The following NRXN3 variants were observed in gnomAD, a reference collection of about 807,000 sequenced individuals.
The protein encoded by NRXN3 is neurexin III.
Under a neutral mutation model 137.6 loss-of-function variants are expected in NRXN3, and 32 were observed. The observed-to-expected ratio is 0.23, with a 90% confidence interval of 0.18 to 0.31. The LOEUF (loss-of-function observed/expected upper bound fraction) is 0.31. Ranked by LOEUF, NRXN3 falls within the 10% of genes least tolerant of loss-of-function variation. The pLI, the probability that NRXN3 is intolerant of heterozygous loss-of-function variation, is 1.00. For synonymous variants in NRXN3, 798 were observed against 784.5 expected, an observed-to-expected ratio of 1.02 and a Z score of -0.29; for missense variants, 1,574 against 2,062.5, an observed-to-expected ratio of 0.76 and a Z score of 4.59.
At chr14:79,550,374 C>T (rs10149978) in intron 16 of NRXN3, among the ~76,000 whole-genome samples, 9,851 of 152,188 alleles carry the variant, frequency 0.065, 1,050 homozygotes, top group African/African-American at 0.22. Flanking sequence ...TGGGAAGGGT[C>T]CATCCCTTGT....
chr14:78,275,888 T>C (rs905306904), intron 2 of NRXN3, among the ~76,000 whole-genome samples: 1 of 152,138 alleles, frequency 6.6e-6, no homozygotes, highest in Non-Finnish European at 1.5e-5. Flanking sequence ...CTGCTAAGGT[T>C]TTGATCCTTA....
intron 4 of NRXN3, among the ~76,000 whole-genome samples, chr14:78,615,328 C>A (rs185721207): frequency 2.0e-5 from 3 of 151,738 alleles, no homozygotes; most frequent in Middle Eastern, 3.4e-3. Context: ...GGGCCGGGCG[C>A]GGTGGCTCAC....
At chr14:79,232,549 G>A (rs1288017915) in intron 15 of NRXN3, among the ~76,000 whole-genome samples, 1 of 152,088 alleles carries the variant, frequency 6.6e-6, no homozygotes, top group Non-Finnish European at 1.5e-5. Context: ...TAATATTAGA[G>A]TACCATCTCT....
At chr14:78,885,802 C>T (rs1319945246) in intron 10 of NRXN3, among the ~76,000 whole-genome samples, 2 of 152,050 alleles carry the variant, frequency 1.3e-5, no homozygotes, top group East Asian at 1.9e-4. Flanking sequence ...AGAGTAAACA[C>T]TAGCTAATAA....
At chr14:79,376,214 G>GTATATATA (rs1159913935) in intron 15 of NRXN3, among the ~76,000 whole-genome samples, 13 of 71,104 alleles carry the variant, frequency 1.8e-4, no homozygotes, top group African/African-American at 5.0e-4. Context: ...GTGTGTGTAT[G>GTATATATA]TATATATATA....
intron 16 of NRXN3, among the ~76,000 whole-genome samples, chr14:79,541,290 C>T (rs1042798691): frequency 3.3e-5 from 5 of 152,024 alleles, no homozygotes; most frequent in Admixed American, 6.6e-5. Flanking sequence ...GTAATCCCAA[C>T]GATTCAGGAG....
intron 4 of NRXN3, among the ~76,000 whole-genome samples, chr14:78,487,154 A>G (rs148477693): frequency 3.0e-4 from 45 of 152,246 alleles, no homozygotes; most frequent in Non-Finnish European, 5.3e-4. Flanking sequence ...TACTCATTAA[A>G]GTGTTTAAAT....
At chr14:79,031,538 G>A (rs1025617323) in intron 15 of NRXN3, among the ~76,000 whole-genome samples, 23 of 151,994 alleles carry the variant, frequency 1.5e-4, no homozygotes, top group African/African-American at 5.6e-4. Context: ...ACAAAATGAG[G>A]GCACTATAAG....
chr14:79,503,488 G>A (rs2096844513), intron 16 of NRXN3, among the ~76,000 whole-genome samples: 1 of 152,158 alleles, frequency 6.6e-6, no homozygotes, highest in Non-Finnish European at 1.5e-5. Context: ...TGCACATGCT[G>A]TTCCTTGGCC....
intron 8 of NRXN3, among the ~76,000 whole-genome samples, chr14:78,800,215 G>A (rs2153074459): frequency 1.3e-5 from 2 of 152,252 alleles, no homozygotes; most frequent in East Asian, 3.9e-4. Context: ...TAAGTATACA[G>A]CTGGGAGAAT....
chr14:79,036,765 A>T (rs73316615), intron 15 of NRXN3, among the ~76,000 whole-genome samples: 1 of 151,874 alleles, frequency 6.6e-6, no homozygotes, highest in African/African-American at 2.4e-5. Flanking sequence ...TATACTAAGA[A>T]GGATAGATAA....
At chr14:79,118,772 C>CA (rs71131677) in intron 15 of NRXN3, among the ~76,000 whole-genome samples, 147,959 of 152,294 alleles carry the variant, frequency 0.97, 72,015 homozygotes, top group East Asian at 1. Context: ...CCTTTTTTAG[C>CA]ACCCAAATTA....
chr14:78,765,937 A>C (rs1308036771), intron 8 of NRXN3, among the ~76,000 whole-genome samples: 1 of 152,036 alleles, frequency 6.6e-6, no homozygotes, highest in African/African-American at 2.4e-5. Flanking sequence ...GACAAAAAGG[A>C]CTTTAGCAGT....
chr14:79,314,619 G>C (rs1414422189), intron 15 of NRXN3, among the ~76,000 whole-genome samples: 7 of 87,118 alleles, frequency 8.0e-5, no homozygotes, highest in East Asian at 3.4e-4. Context: ...GCAGGGCACA[G>C]ACAAACAAAA....
rs2098323213 is a variant in NRXN3 at position 79,629,704 on chromosome 14, T to C, written c.3445-34074T>C. On this transcript the variant is annotated intron_variant, in intron 16 of 20. Coordinates refer to ENST00000335750, the MANE Select transcript of NRXN3 (RefSeq NM_001330195.2). ...TGCAGGAACTGAAGGAAGATGACAT[T>C]CAAAGGTCTAAACAGGGGAGAAGAA... Among the ~76,000 whole-genome samples, 4 of 152,046 alleles carry C rather than the reference T, an allele frequency of 2.6e-5. 1 individual carries two copies. Among genetic ancestry groups the C allele is most frequent in the Admixed American group, 2.6e-4 (4 of 15,264 alleles).
intron 16 of NRXN3, among the ~76,000 whole-genome samples, chr14:79,637,113 A>T (rs190160707): frequency 2.0e-5 from 3 of 152,284 alleles, no homozygotes. Flanking sequence ...TCCTTCACTT[A>T]CAAGCTGCGT....
chr14:78,229,395 C>G (rs1166477525), intron 1 of NRXN3, among the ~76,000 whole-genome samples: 1 of 152,052 alleles, frequency 6.6e-6, no homozygotes, highest in Non-Finnish European at 1.5e-5. Flanking sequence ...CCGCCACCGT[C>G]CAGTCATGTA....
intron 19 of NRXN3, among the ~76,000 whole-genome samples, chr14:79,754,446 T>G (rs1395900080): frequency 6.9e-6 from 1 of 144,360 alleles, no homozygotes; most frequent in Non-Finnish European, 1.5e-5. Context: ...TCCACAGGGG[T>G]CCTGGAATCA....
At chr14:79,766,569 G>A (rs1449520688) in intron 19 of NRXN3, among the ~76,000 whole-genome samples, 1 of 152,192 alleles carries the variant, frequency 6.6e-6, no homozygotes, top group African/African-American at 2.4e-5. Context: ...TGGGGAATTG[G>A]ATTCAATTTA....
Sources: gnomAD v4.1 joint callset for allele counts (sites outside exome capture counted in the v4.1 genomes callset) on GRCh38, gnomAD v4.1.1 for gene constraint, MANE v1.5 for transcripts, NCBI Gene and HGNC (gene_info 2026-07-23, HGNC 2026-07-21) for gene names.